Variants in ANKS1B observed in about 807,000 individuals in gnomAD.
ANKS1B encodes the protein ankyrin repeat and sterile alpha motif domain-containing protein 1B.
A neutral mutation model predicts 148.3 loss-of-function variants in ANKS1B; 36 were observed. That is an observed-to-expected ratio of 0.24 (90% CI 0.19 to 0.32). ANKS1B has a LOEUF of 0.32. Ranked by LOEUF, ANKS1B falls within the 10% of genes least tolerant of loss-of-function variation. The pLI is 1.00. For missense variants in ANKS1B, 1,157 were observed against 1,542.6 expected, an observed-to-expected ratio of 0.75 and a Z score of 4.19; for synonymous variants, 542 against 560.8, an observed-to-expected ratio of 0.97 and a Z score of 0.47.
chr12:99,858,480 A>G (rs577439046), intron 1 of ANKS1B, among the ~76,000 whole-genome samples: 1 of 152,294 alleles, frequency 6.6e-6, no homozygotes, highest in Non-Finnish European at 1.5e-5. Flanking sequence ...TCCTTGAAGA[A>G]CTAAAAGTAG....
At position 99,790,512 on chromosome 12, in the gene ANKS1B, A is replaced by C. The variant is rs551798759; in HGVS notation, c.670-8415T>G. Among the ~76,000 whole-genome samples, 8 of 152,308 alleles carry C rather than the reference A, an allele frequency of 5.3e-5. 1 individual carries two copies. Among genetic ancestry groups the C allele is most frequent in the African/African-American group, 1.9e-4 (8 of 41,588 alleles). On this transcript the variant is annotated intron_variant, in intron 4 of 26. Coordinates refer to ENST00000683438, the MANE Select transcript of ANKS1B (RefSeq NM_001352186.2). ...AAAACTACTTTTATCTTAAGTAGAA[A>C]CACTAAACAATGAACCAAAAAATAA...
intron 4 of ANKS1B, among the ~76,000 whole-genome samples, chr12:99,794,721 G>C (rs186128960): frequency 6.6e-6 from 1 of 152,024 alleles, no homozygotes; most frequent in Admixed American, 6.6e-5. Context: ...ACAGGGGTTA[G>C]AGGGAGGTGG....
chr12:99,495,643 A>G (rs2096597136), intron 10 of ANKS1B, among the ~76,000 whole-genome samples: 1 of 152,198 alleles, frequency 6.6e-6, no homozygotes, highest in Non-Finnish European at 1.5e-5. Flanking sequence ...TTACTGTTTG[A>G]TAAAAGTGCT....
At chr12:98,975,228 A>C (rs1191114878) in intron 17 of ANKS1B, among the ~76,000 whole-genome samples, 753 of 45,814 alleles carry the variant, frequency 0.016, no homozygotes, top group Middle Eastern at 0.069. Flanking sequence ...CCTCCCTCCC[A>C]TCTCCTTCCT....
At chr12:99,293,163 A>G (rs1388214463) in intron 12 of ANKS1B, among the ~76,000 whole-genome samples, 1 of 152,224 alleles carries the variant, frequency 6.6e-6, no homozygotes, top group African/African-American at 2.4e-5. Context: ...ATGGAATACT[A>G]TGCAGCCATA....
At chr12:99,117,471 T>C (rs1315873123) in intron 15 of ANKS1B, among the ~76,000 whole-genome samples, 1 of 152,250 alleles carries the variant, frequency 6.6e-6, no homozygotes, top group Non-Finnish European at 1.5e-5. Flanking sequence ...GTTTTTGTCA[T>C]TGGTTCTGTT....
At chr12:98,782,049 GT>G (rs1429130574) in intron 23 of ANKS1B, 76 bp downstream of exon 23, 43 of 1,221,100 alleles carry the variant, frequency 3.5e-5, no homozygotes, top group Middle Eastern at 3.7e-4. Context: ...TTCATCACCA[GT>G]CACCAGCAGT....
At chr12:99,286,908 C>T (rs1035038419) in intron 12 of ANKS1B, among the ~76,000 whole-genome samples, 4 of 152,170 alleles carry the variant, frequency 2.6e-5, no homozygotes, top group South Asian at 2.1e-4. Context: ...TAGATTCTTA[C>T]GTTTCCTAAC....
intron 17 of ANKS1B, among the ~76,000 whole-genome samples, chr12:98,977,521 T>C (rs2099899069): frequency 6.6e-6 from 1 of 152,184 alleles, no homozygotes; most frequent in Admixed American, 6.5e-5. Context: ...AAATGCCACA[T>C]ATTATAATGG....
intron 1 of ANKS1B, among the ~76,000 whole-genome samples, chr12:99,966,115 A>C (rs906781674): frequency 3.3e-5 from 5 of 152,248 alleles, no homozygotes; most frequent in Admixed American, 2.0e-4. Flanking sequence ...AATGCAGTAC[A>C]TGATTTTGAA....
rs562763456 is a variant in ANKS1B at position 99,381,538 on chromosome 12, A to AG, written c.1756+18092dup. Among the ~76,000 whole-genome samples the AG allele has an allele frequency of 1.1e-4, 17 of 152,282 alleles. No homozygotes were observed. In the South Asian group the frequency reaches 3.5e-3, roughly 32 times the overall value. ...GGTAGAAGGAAGACCAGGATAGTGG[A>AG]GGGGCACATGCAGAGGGTTTCAAGG... On this transcript the variant is annotated intron_variant, in intron 12 of 26. Coordinates refer to ENST00000683438, the MANE Select transcript of ANKS1B (RefSeq NM_001352186.2).
rs983294612 is a variant in ANKS1B at position 99,440,787 on chromosome 12, C to T, written c.1575+2886G>A. Reference sequence around the variant, plus strand: ...GGACTCCTTCGTTACAATGGATGCTCTCCATTTACAGGTAGAGTTACAAGA... The same window carrying T: ...GGACTCCTTCGTTACAATGGATGCTTTCCATTTACAGGTAGAGTTACAAGA... On this transcript the variant is annotated intron_variant, in intron 11 of 26. Transcript: ENST00000683438. Among the ~76,000 whole-genome samples the T allele has an allele frequency of 4.0e-5, 6 of 151,838 alleles. No homozygotes were observed. In the South Asian group the frequency reaches 6.2e-4, roughly 16 times the overall value.
intron 12 of ANKS1B, among the ~76,000 whole-genome samples, chr12:99,337,793 T>C (rs547420723): frequency 1.2e-4 from 19 of 152,160 alleles, no homozygotes; most frequent in South Asian, 4.1e-4. Context: ...TGAGAGAGAA[T>C]TGGGTGAGAT....
intron 14 of ANKS1B, among the ~76,000 whole-genome samples, chr12:99,200,425 T>G (rs2081938331): frequency 6.6e-6 from 1 of 152,234 alleles, no homozygotes; most frequent in Non-Finnish European, 1.5e-5. Flanking sequence ...TTTAGCATCC[T>G]GAAATTTAAT....
intron 17 of ANKS1B, among the ~76,000 whole-genome samples, chr12:99,040,262 C>G (rs974277157): frequency 4.0e-5 from 6 of 151,728 alleles, no homozygotes; most frequent in African/African-American, 7.3e-5. Context: ...TTCTCTCTCT[C>G]TATGTGCGTG....
chr12:99,091,258 T>C (rs1452673057), intron 15 of ANKS1B, among the ~76,000 whole-genome samples: 1 of 152,182 alleles, frequency 6.6e-6, no homozygotes, highest in African/African-American at 2.4e-5. Context: ...GAATTTTCTG[T>C]CACCGATTTT....
chr12:99,033,038 G>A (rs1161234374), intron 17 of ANKS1B, among the ~76,000 whole-genome samples: 3 of 152,160 alleles, frequency 2.0e-5, no homozygotes, highest in Admixed American at 1.3e-4. Context: ...TTTGACATAG[G>A]CTGGATTATT....
At chr12:99,594,592 T>A (rs2097737738) in intron 9 of ANKS1B, among the ~76,000 whole-genome samples, 1 of 152,010 alleles carries the variant, frequency 6.6e-6, no homozygotes, top group South Asian at 2.1e-4. Flanking sequence ...TTCAGGACAT[T>A]ATGCTTAGCA....
chr12:99,455,624 G>A (rs1460424931), intron 10 of ANKS1B, among the ~76,000 whole-genome samples: 1 of 152,118 alleles, frequency 6.6e-6, no homozygotes, highest in East Asian at 1.9e-4. Flanking sequence ...TGTGGGAGTT[G>A]GGTGAGGTCT....
Sources: allele counts gnomAD v4.1 joint callset (sites outside exome capture counted in the v4.1 genomes callset), GRCh38; gene constraint gnomAD v4.1.1; transcripts MANE v1.5; gene names NCBI Gene and HGNC (gene_info 2026-07-23, HGNC 2026-07-21).